Variants in PPP1R1B observed in about 807,000 individuals in gnomAD.
PPP1R1B encodes the protein protein phosphatase 1 regulatory subunit 1B.
A neutral mutation model predicts 28.2 loss-of-function variants in PPP1R1B; 13 were observed. That is an observed-to-expected ratio of 0.46 (90% CI 0.30 to 0.73). PPP1R1B has a LOEUF of 0.73. Ranked by LOEUF, PPP1R1B falls within the 30% of genes least tolerant of loss-of-function variation. The probability of loss-of-function intolerance (pLI) is 0.07; values close to 1 mark genes in which losing one functional copy is unlikely to be tolerated. For synonymous variants in PPP1R1B, 102 were observed against 97.5 expected (o/e 1.05, Z -0.27); for missense variants, 236 against 256.7 (o/e 0.92, Z 0.55).
chr17:39,633,716 C>T (rs745794333), intron 4 of PPP1R1B, 167 bp from the exon 5 acceptor site: 71 of 1,201,330 alleles, frequency 5.9e-5, no homozygotes, highest in Non-Finnish European at 7.7e-5. Context: ...TGGTCTGACA[C>T]CCATCAGGCT....
chr17:39,629,404 G>A, intron 2 of PPP1R1B, 136 bp from the exon 3 acceptor site: 2 of 1,306,546 alleles, frequency 1.5e-6, no homozygotes, highest in South Asian at 1.2e-5. Context: ...CCAGCCGCAG[G>A]AGGGAGAGGG....
chr17:39,629,959 C>G lies in PPP1R1B; in HGVS notation c.166-13C>G. 1.2e-6 allele frequency: 2 copies of G among 1,613,974 alleles called. No individual in the cohort carries two copies. The highest frequency in any genetic ancestry group is 1.7e-6 in the Non-Finnish European group (2 of 1,179,832). On this transcript the variant is annotated splice_polypyrimidine_tract_variant and intron_variant, in intron 3 of 6. Coordinates refer to ENST00000254079, the MANE Select transcript of PPP1R1B (RefSeq NM_032192.4). ...TCTGCTGAGCCCCTTTAACCTGGCA[C>G]TTCCCCTGGCAGAGAGCCTCAGGAG...
Position 39,630,055 on chromosome 17 carries a change from AC to A in PPP1R1B, c.241+13del, listed in dbSNP as rs2056865505. ...CACCACCTTCGCTGAAAGGTACTAT[AC>A]CCCCACCGACCTTCCTGGCTGTCCG... is the stretch of plus-strand genomic sequence containing the variant. On this transcript the variant is annotated intron_variant, in intron 4 of 6. Transcript: ENST00000254079. The A allele has an allele frequency of 1.2e-6, 2 of 1,612,720 alleles. No individual in the cohort carries two copies. The highest frequency in any genetic ancestry group is 2.2e-5 in the East Asian group (1 of 44,854).
At position 39,633,590 on chromosome 17, in the gene PPP1R1B, C is replaced by T. The variant is rs118168759; in HGVS notation, c.242-293C>T. Reference sequence around the variant, plus strand: ...GGGAATGTTAAGCTGCTGCTGTGCCCGCCTGGTCTTGCCCAGCCTAGTGCC... The same window carrying T: ...GGGAATGTTAAGCTGCTGCTGTGCCTGCCTGGTCTTGCCCAGCCTAGTGCC... On this transcript the variant is annotated intron_variant, in intron 4 of 6. Coordinates refer to ENST00000254079, the MANE Select transcript of PPP1R1B (RefSeq NM_032192.4). 5.6e-3 allele frequency: 1,905 copies of T among 337,522 alleles called. 7 individuals carry two copies. Among genetic ancestry groups the T allele is most frequent in the Middle Eastern group, 0.011 (11 of 1,044 alleles). 20.9% of individuals were successfully genotyped at this position (337,522 alleles called of 1,614,324 possible).
intron 4 of PPP1R1B, 79 bp from the exon 5 acceptor site, chr17:39,633,804 G>C (rs1455453138): frequency 1.3e-6 from 2 of 1,589,896 alleles, no homozygotes; most frequent in African/African-American, 1.3e-5. Flanking sequence ...AGGAGGCTGG[G>C]GGCTAGGCCA....
chr17:39,627,535 C>A (rs1359165745), intron 1 of PPP1R1B, 62 bp downstream of exon 1: 5 of 1,051,316 alleles, frequency 4.8e-6, no homozygotes, highest in Non-Finnish European at 6.7e-6. Flanking sequence ...CTTCTTCGCC[C>A]TCCCAAGGCG....
chr17:39,628,970 A>G (rs528477949), intron 1 of PPP1R1B, among the ~76,000 whole-genome samples, 200 bp from the exon 2 acceptor site: 1 of 152,328 alleles, frequency 6.6e-6, no homozygotes, highest in South Asian at 2.1e-4. Flanking sequence ...CCTTAAGCAC[A>G]TTGCCAAATC....
rs1302590861 is a variant in PPP1R1B at position 39,627,256 on chromosome 17, G to C, written c.-137G>C. 1 of 583,248 alleles carries C rather than the reference G, an allele frequency of 1.7e-6. No individual in the cohort carries two copies. The highest frequency in any genetic ancestry group is 2.8e-6 in the Non-Finnish European group (1 of 359,734). 36.1% of individuals were successfully genotyped at this position (583,248 alleles called of 1,614,324 possible). A position where few individuals can be genotyped will look rare whatever the true frequency, so the allele number is the denominator to read the frequency against. On this transcript the variant is annotated 5_prime_UTR_variant, in exon 1 of 7. Transcript: ENST00000254079. ...CCCGCGCCCTCCCCTCGGCGGGCAC[G>C]GTATTTTTATCCGTGCGCGAACAGC...
chr17:39,628,812 T>C (rs2056854947), intron 1 of PPP1R1B: 1 of 608,880 alleles, frequency 1.6e-6, no homozygotes, highest in Admixed American at 5.6e-5. Flanking sequence ...GGTCTGATGT[T>C]TTCAGAAACT....
chr17:39,629,865 A>G lies in PPP1R1B; in HGVS notation c.166-107A>G, dbSNP rs545615295. 39 of 1,182,942 alleles carry G rather than the reference A, an allele frequency of 3.3e-5. No individual in the cohort carries two copies. The African/African-American group carries it at 5.8e-4, about 17-fold the overall frequency. 73.3% of individuals were successfully genotyped at this position (1,182,942 alleles called of 1,614,324 possible). A position where few individuals can be genotyped will look rare whatever the true frequency, so the allele number is the denominator to read the frequency against. ...CAGCCTAGGTGCAGGACCCATTAGC[A>G]GTGGCTAAATCAGTCTGCTTGGGTG... is the stretch of plus-strand genomic sequence containing the variant. On this transcript the variant is annotated intron_variant, in intron 3 of 6. Coordinates refer to ENST00000254079, the MANE Select transcript of PPP1R1B (RefSeq NM_032192.4).
intron 4 of PPP1R1B, chr17:39,632,179 G>A (rs929301316): frequency 6.5e-6 from 1 of 152,684 alleles, no homozygotes; most frequent in South Asian, 2.1e-4. Context: ...GAAGAAGGAA[G>A]ACTTGTGGTG....
chr17:39,635,886 A>C lies in PPP1R1B; in HGVS notation c.*21A>C. On this transcript the variant is annotated 3_prime_UTR_variant, in exon 7 of 7. Transcript: ENST00000254079. ...CATAGGCACCCAGCCTGCATCTCCC[A>C]GGAGGAAGTGGAGGGGACATCGCTG... The C allele has an allele frequency of 6.2e-7, 1 of 1,611,618 alleles. No homozygotes were observed. The highest frequency in any genetic ancestry group is 8.5e-7 in the Non-Finnish European group (1 of 1,179,688).
intron 5 of PPP1R1B, among the ~76,000 whole-genome samples, 175 bp from the exon 6 acceptor site, chr17:39,635,432 T>C (rs2056911968): frequency 6.6e-6 from 1 of 152,108 alleles, no homozygotes; most frequent in Admixed American, 6.5e-5. Flanking sequence ...CTAACTGACT[T>C]ACGTAAGCCA....
At chr17:39,630,836 G>A (rs1481202535) in intron 4 of PPP1R1B, among the ~76,000 whole-genome samples, 2 of 152,180 alleles carry the variant, frequency 1.3e-5, no homozygotes, top group South Asian at 2.1e-4. Context: ...TTGGGAGGCC[G>A]AGGCGGGCAG....
intron 4 of PPP1R1B, among the ~76,000 whole-genome samples, chr17:39,631,322 A>T (rs1419038751): frequency 1.3e-5 from 2 of 152,252 alleles, no homozygotes; most frequent in Non-Finnish European, 2.9e-5. Flanking sequence ...TTTAACAGGC[A>T]GGCAAGGGCA....
rs1302835236 is a variant in PPP1R1B, at chr17:39,627,195, G to A, written c.-198G>A. On this transcript the variant is annotated 5_prime_UTR_variant, in exon 1 of 7. Transcript: ENST00000254079. Reference sequence around the variant, plus strand: ...GAGCCCCGAGTCCCGAGAGCCTGGGGGCGCGCCCAGCCCGGGCGCCGACCC... The same window carrying A: ...GAGCCCCGAGTCCCGAGAGCCTGGGAGCGCGCCCAGCCCGGGCGCCGACCC... The A allele has an allele frequency of 2.0e-6, 1 of 492,750 alleles. No homozygotes were observed. The highest frequency in any genetic ancestry group is 2.1e-5 in the African/African-American group (1 of 48,292). The allele number at this position is 492,750 out of a possible 1,614,324, so 30.5% of individuals were successfully genotyped here. A position where few individuals can be genotyped will look rare whatever the true frequency, so the allele number is the denominator to read the frequency against.
chr17:39,633,662 T>G, intron 4 of PPP1R1B: 2 of 636,594 alleles, frequency 3.1e-6, no homozygotes, highest in Non-Finnish European at 5.1e-6. Flanking sequence ...TAGGACAGCT[T>G]AAGAGCCAAA....
At position 39,635,848 on chromosome 17, in the gene PPP1R1B, T is replaced by G. The variant is rs535690693; in HGVS notation, c.598T>G (p.Ser200Ala). 1 of 1,613,234 alleles carries G rather than the reference T, an allele frequency of 6.2e-7. No homozygotes were observed. The highest frequency in any genetic ancestry group is 1.1e-5 in the South Asian group (1 of 91,020). The change falls in exon 7 of 7, where the codon TCT becomes GCT. Residue 200 changes from serine (S) to alanine (A), a missense_variant. Transcript: ENST00000254079. ...GGAGGAACCTCAGCGCCCTTCCCCC[T>G]CTGAGCCTGGCACATAGGCACCCAG... ...PGEEPQRPSPSEPGT is the reference protein window; with the variant it reads ...PGEEPQRPSPAEPGT
chr17:39,627,534 C>G (rs3751903), intron 1 of PPP1R1B, 61 bp downstream of exon 1: 843,829 of 1,082,646 alleles, frequency 0.78, 333,284 homozygotes, highest in Non-Finnish European at 0.81. Context: ...GCTTCTTCGC[C>G]CTCCCAAGGC....
Sources: gnomAD v4.1 joint callset for allele counts (sites outside exome capture counted in the v4.1 genomes callset) on GRCh38, gnomAD v4.1.1 for gene constraint, MANE v1.5 for transcripts, NCBI Gene and HGNC (gene_info 2026-07-23, HGNC 2026-07-21) for gene names.